The following GDPD5 variants were observed in gnomAD, a reference collection of about 807,000 sequenced individuals.
GDPD5 encodes the protein glycerophosphodiester phosphodiesterase 2.
Under a neutral mutation model 75.1 loss-of-function variants are expected in GDPD5, and 48 were observed. The ratio of observed to expected loss-of-function variants is 0.64; its 90% CI spans 0.51 to 0.81. The LOEUF (loss-of-function observed/expected upper bound fraction) is 0.81. Among genes scored for constraint, GDPD5 ranks in the 40% least tolerant of loss-of-function variants. The pLI is 0.00. For synonymous variants in GDPD5, 336 were observed against 339.0 expected (o/e 0.99, Z 0.10); for missense variants, 706 against 822.6 (o/e 0.86, Z 1.73).
intron 4 of GDPD5, among the ~76,000 whole-genome samples, chr11:75,458,300 TG>T (rs1949335920): frequency 6.6e-6 from 1 of 152,174 alleles, no homozygotes; most frequent in Admixed American, 6.5e-5. Flanking sequence ...ATGTGAAAAT[TG>T]GGGGTCTTAG....
rs1949810345 is a variant in GDPD5 at position 75,477,708 on chromosome 11, A to C, written c.28T>G (p.Tyr10Asp). 1 of 1,592,662 alleles carries C rather than the reference A, an allele frequency of 6.3e-7. No individual in the cohort carries two copies. The highest frequency in any genetic ancestry group is 1.7e-5 in the Admixed American group (1 of 59,450). ...CAGGAGAGGCACAGCTGTGGCTCGT[A>C]GTACTGCAGGGGCTGGTGTCTCACC... MVRHQPLQY[Y>D]EPQLCLSCLT... The change falls in exon 3 of 17, where the codon TAC becomes GAC. Residue 10 changes from tyrosine to aspartate, a missense_variant. By Grantham distance (160) the Tyr-to-Asp change is radical (BLOSUM62 -3). Transcript: ENST00000336898.
intron 6 of GDPD5, among the ~76,000 whole-genome samples, chr11:75,454,092 C>G (rs887932639): frequency 2.6e-5 from 4 of 152,138 alleles, no homozygotes; most frequent in Admixed American, 2.6e-4. Context: ...GGATGAATGA[C>G]AAACTAGGAA....
chr11:75,484,356 G>A (rs892850862), intron 2 of GDPD5, among the ~76,000 whole-genome samples: 3 of 152,200 alleles, frequency 2.0e-5, no homozygotes, highest in African/African-American at 7.2e-5. Flanking sequence ...CTGCACCAGA[G>A]GGGACAACAG....
chr11:75,435,459 GCTCCCCAGCTT>G lies in GDPD5; in HGVS notation c.*37_*47del. 1 of 1,504,988 alleles carries G rather than the reference GCTCCCCAGCTT, an allele frequency of 6.6e-7. No individual in the cohort carries two copies. The highest frequency in any genetic ancestry group is 8.9e-7 in the Non-Finnish European group (1 of 1,120,874). The allele number at this position is 1,504,988 out of a possible 1,614,324, so 93.2% of individuals were successfully genotyped here. A position where few individuals can be genotyped will look rare whatever the true frequency, so the allele number is the denominator to read the frequency against. ...GACACACTTCCACCAGCTCTCCTAGGCTCCCCAGCTTCTGTGTCAGGTACAGGTGGGACAGA... is the reference window on the plus strand; with the variant it reads ...GACACACTTCCACCAGCTCTCCTAGGCTGTGTCAGGTACAGGTGGGACAGA... On this transcript the variant is annotated 3_prime_UTR_variant, in exon 17 of 17. Transcript: ENST00000336898.
At chr11:75,455,247 T>C (rs918972083) in intron 6 of GDPD5, 8 of 453,632 alleles carry the variant, frequency 1.8e-5, no homozygotes, top group African/African-American at 1.0e-4. Context: ...CCACAGCATG[T>C]GCCAGCCCCA....
At chr11:75,493,487 G>C (rs1380025810) in intron 1 of GDPD5, among the ~76,000 whole-genome samples, 2 of 151,850 alleles carry the variant, frequency 1.3e-5, no homozygotes, top group African/African-American at 4.8e-5. Context: ...CTACAGGTTT[G>C]AACTCCCGGA....
intron 15 of GDPD5, chr11:75,438,560 T>C (rs962767766): frequency 2.6e-5 from 4 of 152,298 alleles, no homozygotes; most frequent in African/African-American, 9.6e-5. Context: ...ACTCAAGGAA[T>C]GTCCCATAGC....
intron 7 of GDPD5, 57 bp downstream of exon 7, chr11:75,449,828 A>G (rs190704470): frequency 3.2e-6 from 5 of 1,553,550 alleles, no homozygotes; most frequent in South Asian, 1.1e-5. Flanking sequence ...GTCTGGAGAA[A>G]GGGAAGTGAC....
At chr11:75,491,420 T>C (rs915904740) in intron 1 of GDPD5, among the ~76,000 whole-genome samples, 2 of 152,234 alleles carry the variant, frequency 1.3e-5, no homozygotes, top group Admixed American at 6.5e-5. Context: ...TGAGAAGCCA[T>C]GGTCTCTTTA....
intron 13 of GDPD5, 78 bp downstream of exon 13, chr11:75,441,567 TG>T (rs67252832): frequency 3.2e-6 from 4 of 1,232,568 alleles, no homozygotes; most frequent in African/African-American, 1.5e-5. Context: ...TGTGTGTGTG[TG>T]TTGGGGGGTG....
intron 6 of GDPD5, chr11:75,450,624 G>A (rs1030518768): frequency 2.0e-5 from 3 of 153,368 alleles, no homozygotes; most frequent in Non-Finnish European, 2.9e-5. Flanking sequence ...GCAGCCTCCA[G>A]AAGAAAGCAA....
At chr11:75,521,202 G>A (rs1941441770) in intron 1 of GDPD5, among the ~76,000 whole-genome samples, 1 of 152,238 alleles carries the variant, frequency 6.6e-6, no homozygotes, top group African/African-American at 2.4e-5. Context: ...CAGCCAGCCT[G>A]TGCACGGCCT....
At chr11:75,435,724 G>A in intron 16 of GDPD5, 69 bp from the exon 17 acceptor site, 1 of 1,484,358 alleles carries the variant, frequency 6.7e-7, no homozygotes, top group Non-Finnish European at 9.1e-7. Flanking sequence ...TGACAGATGG[G>A]GCAGGAAGGC....
chr11:75,510,718 G>C (rs1950498596), intron 1 of GDPD5, among the ~76,000 whole-genome samples: 1 of 140,268 alleles, frequency 7.1e-6, no homozygotes, highest in Non-Finnish European at 1.5e-5. Context: ...AGCTGAGACT[G>C]ATGGACCCCA....
intron 3 of GDPD5, among the ~76,000 whole-genome samples, chr11:75,465,692 C>T (rs990279185): frequency 7.2e-5 from 11 of 152,216 alleles, no homozygotes; most frequent in South Asian, 2.1e-4. Context: ...ATAGAGCCCA[C>T]GCTGGCAGTG....
In GDPD5 at chr11:75,477,755, G is replaced by C; in HGVS notation, c.-20C>G. On this transcript the variant is annotated 5_prime_UTR_variant, in exon 3 of 17. Coordinates refer to ENST00000336898, the MANE Select transcript of GDPD5 (RefSeq NM_030792.8). ...CACCATACTCGTGCCCACGGCCCTG[G>C]CGCCTGGCCCTCAGGCGCCCATGGA... 6.6e-7 allele frequency: 1 copy of C among 1,524,890 alleles called. No homozygotes were observed. Among genetic ancestry groups the C allele is most frequent in the Non-Finnish European group, 8.9e-7 (1 of 1,123,740 alleles). The allele number at this position is 1,524,890 out of a possible 1,614,324, so 94.5% of individuals were successfully genotyped here.
chr11:75,496,560 T>C (rs1443762321), intron 1 of GDPD5, among the ~76,000 whole-genome samples: 1 of 152,168 alleles, frequency 6.6e-6, no homozygotes, highest in African/African-American at 2.4e-5. Flanking sequence ...GTGTAAACTG[T>C]ACAGTGTGCA....
intron 5 of GDPD5, 132 bp from the exon 6 acceptor site, chr11:75,456,948 C>T (rs1473121122): frequency 8.5e-6 from 7 of 820,786 alleles, no homozygotes; most frequent in East Asian, 2.6e-5. Context: ...TCCCTCCAGG[C>T]GATGGGAATG....
intron 8 of GDPD5, 27 bp downstream of exon 8, chr11:75,449,490 G>A: frequency 2.0e-6 from 3 of 1,538,194 alleles, no homozygotes; most frequent in Admixed American, 2.0e-5. Context: ...GGGATTGGAG[G>A]GGCAGGCCCT....
Sources: allele counts gnomAD v4.1 joint callset (sites outside exome capture counted in the v4.1 genomes callset), GRCh38; gene constraint gnomAD v4.1.1; transcripts MANE v1.5; gene names NCBI Gene and HGNC (gene_info 2026-07-23, HGNC 2026-07-21).